Variants in STAMBPL1 observed in about 807,000 individuals in gnomAD.
STAMBPL1 encodes the protein AMSH-like protease.
In STAMBPL1, 44 loss-of-function variants were observed where a neutral mutation model predicts 52.9. That is an observed-to-expected ratio of 0.83 (90% CI 0.65 to 1.07). The LOEUF is 1.07. Ranked by LOEUF, STAMBPL1 falls within the 50% of genes least tolerant of loss-of-function variation. The pLI, the probability that STAMBPL1 is intolerant of heterozygous loss-of-function variation, is 0.00. For synonymous variants in STAMBPL1, 164 were observed against 177.3 expected, an observed-to-expected ratio of 0.92 and a Z score of 0.60; for missense variants, 511 against 520.8, an observed-to-expected ratio of 0.98 and a Z score of 0.18.
intron 3 of STAMBPL1, among the ~76,000 whole-genome samples, chr10:88,908,286 T>G (rs1204462053): frequency 2.6e-5 from 4 of 152,236 alleles, no homozygotes; most frequent in Non-Finnish European, 5.9e-5. Flanking sequence ...GCGCTGCTGA[T>G]TCATCAGTGG....
rs370720049 is a variant in STAMBPL1 at position 88,905,571 on chromosome 10, G to A, written c.159G>A (p.Arg53=). Residue 53 remains arginine (R), a synonymous_variant, in exon 3 of 11, where the codon AGG becomes AGA. Coordinates refer to ENST00000371926, the MANE Select transcript of STAMBPL1 (RefSeq NM_020799.4). ...ACATCACTCCACGACGTTACTTTAG[G>A]TCTGGAGTAGAGATGGAGAGGATGG... ...SEDITPRRYF[R]SGVEMERMAS... 31 of 1,613,966 alleles carry A rather than the reference G, an allele frequency of 1.9e-5. No individual in the cohort carries two copies. In the South Asian group the frequency reaches 2.9e-4, roughly 15 times the overall value.
rs550999152 is a variant in STAMBPL1 at position 88,896,850 on chromosome 10, A to ACATG, written c.-53-4803_-53-4800dup. 1.0e-4 allele frequency among the ~76,000 whole-genome samples: 15 copies of ACATG among 150,050 alleles called. No individual in the cohort carries two copies. The South Asian group carries it at 3.1e-3, about 31-fold the overall frequency. ...GCCACACACACACAAACACACACAT[A>ACATG]CATGCACGCACGCACACACACACAC... On this transcript the variant is annotated intron_variant, in intron 1 of 10. Coordinates refer to ENST00000371926, the MANE Select transcript of STAMBPL1 (RefSeq NM_020799.4).
chr10:88,902,227 C>G (rs890789694), intron 2 of STAMBPL1, among the ~76,000 whole-genome samples: 2 of 152,216 alleles, frequency 1.3e-5, no homozygotes, highest in African/African-American at 2.4e-5. Context: ...CACACTTTCT[C>G]TAGCTACATC....
At chr10:88,900,717 A>C (rs1844923832) in intron 1 of STAMBPL1, among the ~76,000 whole-genome samples, 1 of 152,206 alleles carries the variant, frequency 6.6e-6, no homozygotes, top group South Asian at 2.1e-4. Flanking sequence ...TTGCTGCTTT[A>C]CAAATTTTTA....
chr10:88,910,838 GT>G, intron 4 of STAMBPL1, 77 bp from the exon 5 acceptor site: 1 of 1,031,862 alleles, frequency 9.7e-7, no homozygotes, highest in Non-Finnish European at 1.4e-6. Flanking sequence ...CCTACCAGCT[GT>G]TTTTCTTTCT....
chr10:88,891,937 G>T (rs1844694332), intron 1 of STAMBPL1, among the ~76,000 whole-genome samples: 1 of 151,800 alleles, frequency 6.6e-6, no homozygotes, highest in Admixed American at 6.6e-5. Flanking sequence ...TGTATTGAAT[G>T]AAAAATAACA....
intron 1 of STAMBPL1, among the ~76,000 whole-genome samples, chr10:88,886,523 C>T (rs1844537492): frequency 6.7e-6 from 1 of 148,284 alleles, no homozygotes; most frequent in East Asian, 2.0e-4. Context: ...GTGAATTTGG[C>T]TTTTTTTTTT....
chr10:88,883,388 C>T (rs1844454191), intron 1 of STAMBPL1, among the ~76,000 whole-genome samples: 1 of 152,132 alleles, frequency 6.6e-6, no homozygotes, highest in Non-Finnish European at 1.5e-5. Flanking sequence ...ACAAAAAATA[C>T]TATTGGTACC....
chr10:88,921,167 C>T (rs1020718372), intron 8 of STAMBPL1, 116 bp from the exon 9 acceptor site: 2 of 729,890 alleles, frequency 2.7e-6, no homozygotes, highest in African/African-American at 3.6e-5. Context: ...TTTTAAAAAT[C>T]CTTATTTGAT....
At chr10:88,909,433 T>C (rs1023764651) in intron 4 of STAMBPL1, among the ~76,000 whole-genome samples, 1 of 152,172 alleles carries the variant, frequency 6.6e-6, no homozygotes. Flanking sequence ...TGGTCTTATA[T>C]GAAGGAAGAT....
In STAMBPL1 at chr10:88,906,316, A is replaced by G. The variant is rs117843204; in HGVS notation, c.248+656A>G. 7.9e-3 allele frequency among the ~76,000 whole-genome samples: 1,208 copies of G among 152,346 alleles called. 14 individuals are homozygous for G. The highest frequency in any genetic ancestry group is 0.042 in the South Asian group (205 of 4,830). On this transcript the variant is annotated intron_variant, in intron 3 of 10. Coordinates refer to ENST00000371926, the MANE Select transcript of STAMBPL1 (RefSeq NM_020799.4). Reference sequence around the variant, plus strand: ...TATTAGACAGATATTTGTTAGTGACATATCCTAGTTTAAGAGTTAACAGAA... The same window carrying G: ...TATTAGACAGATATTTGTTAGTGACGTATCCTAGTTTAAGAGTTAACAGAA...
rs141038777 is a variant in STAMBPL1 at position 88,889,306 on chromosome 10, C to T, written c.-54+8668C>T. On this transcript the variant is annotated intron_variant, in intron 1 of 10. Transcript: ENST00000371926. ...GAATGCATATTATTTTAAAAACTGA[C>T]ATTTTTTTCAATCCTCATCCATATT... Among the ~76,000 whole-genome samples the T allele has an allele frequency of 1.8e-3, 275 of 152,250 alleles. 1 individual carries two copies. The highest frequency in any genetic ancestry group is 6.3e-3 in the African/African-American group (263 of 41,546).
chr10:88,916,223 A>G (rs1845365894), intron 7 of STAMBPL1, among the ~76,000 whole-genome samples: 1 of 152,044 alleles, frequency 6.6e-6, no homozygotes, highest in African/African-American at 2.4e-5. Context: ...AAACAGAAAC[A>G]AAACCATCAA....
At chr10:88,885,556 G>A (rs961969545) in intron 1 of STAMBPL1, among the ~76,000 whole-genome samples, 2 of 152,060 alleles carry the variant, frequency 1.3e-5, no homozygotes, top group Non-Finnish European at 2.9e-5. Context: ...AGATTCTGGG[G>A]CAAGCTTTAG....
intron 1 of STAMBPL1, among the ~76,000 whole-genome samples, chr10:88,885,637 G>A (rs1400688952): frequency 5.3e-5 from 8 of 152,160 alleles, no homozygotes; most frequent in Non-Finnish European, 1.2e-4. Context: ...CCCATTGTGA[G>A]CTGTGGTGGA....
At chr10:88,894,460 A>G (rs1261335263) in intron 1 of STAMBPL1, among the ~76,000 whole-genome samples, 2 of 152,198 alleles carry the variant, frequency 1.3e-5, no homozygotes, top group African/African-American at 2.4e-5. Flanking sequence ...GGCAGTCTAG[A>G]AAAAACAAGA....
intron 1 of STAMBPL1, among the ~76,000 whole-genome samples, chr10:88,888,285 TG>T (rs1844589379): frequency 6.6e-6 from 1 of 152,176 alleles, no homozygotes; most frequent in South Asian, 2.1e-4. Flanking sequence ...AGACCTCTTC[TG>T]GCAGGCGCTG....
rs1205811219 is a variant in STAMBPL1 at position 88,916,705 on chromosome 10, A to G, written c.929A>G (p.His310Arg). Residue 310 changes from histidine to arginine, a missense_variant, in exon 8 of 11, where the codon CAT (histidine) becomes CGT (arginine). Physicochemically the swap from His to Arg is conservative, Grantham distance 29. This residue lies in a region of STAMBPL1 where 16 missense variants were observed against 37.4 expected (regional missense o/e 0.43). Transcript: ENST00000371926. ...KLTHNEFTIT[H>R]VIVPKQSAGP... ...ACACATAATGAATTTACTATTACCCATGTAATTGTGCCAAAGCAGTCTGCG... is the reference window on the plus strand; with the variant it reads ...ACACATAATGAATTTACTATTACCCGTGTAATTGTGCCAAAGCAGTCTGCG... 6.2e-7 allele frequency: 1 copy of G among 1,605,720 alleles called. No individual in the cohort carries two copies. The highest frequency in any genetic ancestry group is 8.5e-7 in the Non-Finnish European group (1 of 1,176,658).
rs199604099 is a variant in STAMBPL1, at chr10:88,918,306, TAC to T, written c.1041+1507_1041+1508del. On this transcript the variant is annotated intron_variant, in intron 8 of 10. Transcript: ENST00000371926. ...GCACACACACACACACACACACACA[TAC>T]ACACACACACACACACATTTCCTAA... Among the ~76,000 whole-genome samples the T allele has an allele frequency of 8.5e-3, 1,221 of 143,128 alleles. 22 individuals are homozygous for T. Among genetic ancestry groups the T allele is most frequent in the African/African-American group, 0.03 (1,121 of 37,092 alleles). The allele number at this position is 143,128 out of a possible 152,430, so 93.9% of individuals were successfully genotyped here.
Sources: allele counts gnomAD v4.1 joint callset (sites outside exome capture counted in the v4.1 genomes callset), GRCh38; gene constraint gnomAD v4.1.1; regional missense constraint gnomAD v4.1.1; transcripts MANE v1.5; gene names NCBI Gene and HGNC (gene_info 2026-07-23, HGNC 2026-07-21).